The following RALGAPA2 variants were observed in gnomAD, a reference collection of about 807,000 sequenced individuals.
The protein encoded by RALGAPA2 is Ral GTPase activating protein catalytic subunit alpha 2.
RALGAPA2 carries 139 observed loss-of-function variants against 230.4 expected under a neutral mutation model. That is an observed-to-expected ratio of 0.60 (90% CI 0.53 to 0.69). The LOEUF (loss-of-function observed/expected upper bound fraction) is 0.69. Ranked by LOEUF, RALGAPA2 falls within the 30% of genes least tolerant of loss-of-function variation. The pLI is 0.00. For synonymous variants in RALGAPA2, 847 were observed against 837.8 expected (o/e 1.01, Z -0.19); for missense variants, 2,163 against 2,276.0 (o/e 0.95, Z 1.01).
At chr20:20,701,843 C>A (rs2069383098) in intron 1 of RALGAPA2, among the ~76,000 whole-genome samples, 1 of 151,872 alleles carries the variant, frequency 6.6e-6, no homozygotes, top group Non-Finnish European at 1.5e-5. Context: ...AGTTCGAGAC[C>A]AGCCTGGCCA....
intron 17 of RALGAPA2, among the ~76,000 whole-genome samples, 162 bp downstream of exon 17, chr20:20,591,015 A>G (rs1466118955): frequency 2.0e-5 from 3 of 152,204 alleles, no homozygotes; most frequent in Non-Finnish European, 4.4e-5. Context: ...AAATAGTGCA[A>G]ATATTTCATT....
At chr20:20,541,925 C>T (rs545250121) in intron 24 of RALGAPA2, among the ~76,000 whole-genome samples, 2 of 152,196 alleles carry the variant, frequency 1.3e-5, no homozygotes, top group South Asian at 2.1e-4. Context: ...CCAGGGCAAT[C>T]GGGCAAGATA....
chr20:20,393,464 G>A (rs564244218), intron 39 of RALGAPA2, among the ~76,000 whole-genome samples: 1 of 152,318 alleles, frequency 6.6e-6, no homozygotes, highest in South Asian at 2.1e-4. Context: ...GGGCTTTTCT[G>A]CAGCATAAAA....
At chr20:20,652,349 C>A (rs1209358707) in intron 4 of RALGAPA2, among the ~76,000 whole-genome samples, 2 of 152,136 alleles carry the variant, frequency 1.3e-5, no homozygotes, top group African/African-American at 4.8e-5. Context: ...TCTCTTGAAG[C>A]CTTCCTCAAT....
intron 16 of RALGAPA2, among the ~76,000 whole-genome samples, chr20:20,591,548 A>C (rs1018389986): frequency 3.9e-5 from 6 of 152,318 alleles, no homozygotes; most frequent in Admixed American, 3.9e-4. Flanking sequence ...TTTCAATCAA[A>C]GTAAAGGAAA....
intron 38 of RALGAPA2, among the ~76,000 whole-genome samples, chr20:20,401,184 A>G (rs2059827222): frequency 6.6e-6 from 1 of 152,230 alleles, no homozygotes; most frequent in Non-Finnish European, 1.5e-5. Context: ...TATGTGAATT[A>G]GATCTCAATA....
chr20:20,414,039 CG>C (rs1452290695), intron 37 of RALGAPA2, among the ~76,000 whole-genome samples: 3 of 152,256 alleles, frequency 2.0e-5, no homozygotes, highest in Non-Finnish European at 4.4e-5. Flanking sequence ...GCCGCTGGTC[CG>C]GGGAACAGCA....
chr20:20,441,936 G>GA (rs1224854352), intron 37 of RALGAPA2, among the ~76,000 whole-genome samples: 1 of 151,890 alleles, frequency 6.6e-6, no homozygotes, highest in Non-Finnish European at 1.5e-5. Context: ...TTTCATTTAA[G>GA]AAAAAAAATT....
intron 14 of RALGAPA2, among the ~76,000 whole-genome samples, chr20:20,605,868 C>T (rs1401484617): frequency 6.6e-6 from 1 of 152,142 alleles, no homozygotes; most frequent in African/African-American, 2.4e-5. Context: ...TCCCCTCAAC[C>T]TCTGCCCATG....
intron 4 of RALGAPA2, among the ~76,000 whole-genome samples, chr20:20,647,877 G>A (rs751773580): frequency 6.6e-6 from 1 of 152,146 alleles, no homozygotes; most frequent in African/African-American, 2.4e-5. Context: ...TGAAGAGAAC[G>A]TGGAGTAACT....
intron 4 of RALGAPA2, 55 bp downstream of exon 4, chr20:20,653,475 T>A: frequency 1.0e-6 from 1 of 975,360 alleles, no homozygotes; most frequent in East Asian, 2.6e-5. Context: ...AAAACATTAC[T>A]GAAAATTCAA....
intron 23 of RALGAPA2, among the ~76,000 whole-genome samples, chr20:20,552,693 C>T (rs1482580972): frequency 3.3e-5 from 5 of 152,152 alleles, no homozygotes; most frequent in African/African-American, 7.2e-5. Flanking sequence ...TCCTGCAGTA[C>T]TTGTGGACAT....
At chr20:20,579,242 A>T (rs1259342085) in intron 20 of RALGAPA2, among the ~76,000 whole-genome samples, 1 of 152,216 alleles carries the variant, frequency 6.6e-6, no homozygotes, top group East Asian at 1.9e-4. Context: ...CTTTTCAGCT[A>T]TATAAAACAA....
chr20:20,659,165 C>T (rs980475061), intron 3 of RALGAPA2, among the ~76,000 whole-genome samples: 11 of 152,134 alleles, frequency 7.2e-5, no homozygotes, highest in African/African-American at 9.7e-5. Context: ...CTGGACTGTT[C>T]GGTTTAAAGA....
At chr20:20,468,665 C>CCT (rs11472410) in intron 37 of RALGAPA2, among the ~76,000 whole-genome samples, 4,711 of 152,090 alleles carry the variant, frequency 0.031, 165 homozygotes, top group East Asian at 0.15. Flanking sequence ...CTCCTATTCC[C>CCT]GTCTTTCTTT....
intron 10 of RALGAPA2, among the ~76,000 whole-genome samples, chr20:20,623,850 C>A (rs1476754848): frequency 1.3e-5 from 2 of 151,842 alleles, no homozygotes; most frequent in African/African-American, 4.8e-5. Flanking sequence ...TCTTTTATTT[C>A]TTTATTTCTT....
chr20:20,456,838 CTT>C (rs369361752), intron 37 of RALGAPA2, among the ~76,000 whole-genome samples: 2 of 146,944 alleles, frequency 1.4e-5, no homozygotes, highest in African/African-American at 2.5e-5. Context: ...TATAAAGTTC[CTT>C]TTTTTTTTTA....
At chr20:20,595,454 C>CA (rs2065422620) in intron 16 of RALGAPA2, among the ~76,000 whole-genome samples, 2 of 152,224 alleles carry the variant, frequency 1.3e-5, no homozygotes, top group African/African-American at 2.4e-5. Flanking sequence ...CAGGTCCTGA[C>CA]AAAAAAGCAC....
At chr20:20,572,800 T>C in intron 21 of RALGAPA2, 75 bp downstream of exon 21, 1 of 1,274,166 alleles carries the variant, frequency 7.8e-7, no homozygotes. Context: ...AGTAGTTAAC[T>C]GAAACACAGT....
Sources: gnomAD v4.1 joint callset for allele counts (sites outside exome capture counted in the v4.1 genomes callset) on GRCh38, gnomAD v4.1.1 for gene constraint, MANE v1.5 for transcripts, NCBI Gene and HGNC (gene_info 2026-07-23, HGNC 2026-07-21) for gene names.